The following FGF14 variants were observed in gnomAD, a reference collection of about 807,000 sequenced individuals.
FGF14 encodes fibroblast growth factor homologous factor 4.
FGF14 carries 5 observed loss-of-function variants against 25.5 expected under a neutral mutation model. The ratio of observed to expected loss-of-function variants is 0.20; its 90% confidence interval spans 0.10 to 0.41. FGF14 has a LOEUF of 0.41. FGF14 is among the 10% of genes least tolerant of loss of function. The pLI is 1.00. For missense variants in FGF14, 222 were observed against 320.1 expected, an observed-to-expected ratio of 0.69 and a Z score of 2.34; for synonymous variants, 138 against 118.3, an observed-to-expected ratio of 1.17 and a Z score of -1.08.
chr13:101,714,583 G>A lies in FGF14; in HGVS notation c.*8248C>T. ...TATTAACCTTTTCTAATTGCTCTAT[G>A]CCACAGTTTGTTATAGAGCCAAGAG... On this transcript the variant is annotated 3_prime_UTR_variant, in exon 5 of 5. Transcript: ENST00000376143. 1.6e-6 allele frequency: 2 copies of A among 1,275,362 alleles called. No homozygotes were observed. The highest frequency in any genetic ancestry group is 2.3e-6 in the Non-Finnish European group (2 of 871,808). 79.0% of individuals were successfully genotyped at this position (1,275,362 alleles called of 1,614,324 possible).
intron 1 of FGF14, among the ~76,000 whole-genome samples, chr13:101,941,466 T>A (rs771631641): frequency 3.3e-5 from 5 of 152,194 alleles, no homozygotes; most frequent in Non-Finnish European, 7.3e-5. Context: ...AAAATACATC[T>A]TTCACCATTT....
At chr13:101,811,765 G>A (rs1026017252) in intron 3 of FGF14, among the ~76,000 whole-genome samples, 10 of 152,274 alleles carry the variant, frequency 6.6e-5, no homozygotes, top group South Asian at 2.1e-4. Context: ...GCTCCCCAGC[G>A]TTTGACATTA....
intron 3 of FGF14, among the ~76,000 whole-genome samples, chr13:101,749,072 C>T (rs2037090511): frequency 6.6e-6 from 1 of 152,026 alleles, no homozygotes; most frequent in Admixed American, 6.6e-5. Context: ...AAGACAAATA[C>T]TATACAAATC....
At chr13:101,795,482 G>A (rs749344149) in intron 3 of FGF14, among the ~76,000 whole-genome samples, 20 of 152,090 alleles carry the variant, frequency 1.3e-4, no homozygotes, top group Non-Finnish European at 2.6e-4. Flanking sequence ...CCCTGAATCT[G>A]TGAGGTTTGC....
At chr13:102,185,278 C>A (rs1026453848) in intron 1 of FGF14, among the ~76,000 whole-genome samples, 18 of 152,082 alleles carry the variant, frequency 1.2e-4, no homozygotes, top group African/African-American at 4.3e-4. Flanking sequence ...CATCCATTTT[C>A]TTTCATAGTT....
At chr13:101,801,894 C>G (rs144050401) in intron 3 of FGF14, 2 of 398,424 alleles carry the variant, frequency 5.0e-6, no homozygotes, top group Non-Finnish European at 9.8e-6. Flanking sequence ...AAAGGTGACA[C>G]CAAGAAACCA....
chr13:102,253,112 C>T (rs1185717692), intron 1 of FGF14, among the ~76,000 whole-genome samples: 1 of 152,110 alleles, frequency 6.6e-6, no homozygotes, highest in African/African-American at 2.4e-5. Context: ...CTATTGTGAA[C>T]AGTGCCACAA....
intron 1 of FGF14, among the ~76,000 whole-genome samples, chr13:102,076,894 T>A (rs1278608209): frequency 6.6e-6 from 1 of 151,966 alleles, no homozygotes; most frequent in East Asian, 1.9e-4. Flanking sequence ...GCTATAGTGA[T>A]TAAAACAGCA....
intron 3 of FGF14, among the ~76,000 whole-genome samples, chr13:101,727,163 C>A (rs1461786019): frequency 6.6e-6 from 1 of 152,036 alleles, no homozygotes; most frequent in Non-Finnish European, 1.5e-5. Flanking sequence ...AAATAAAATA[C>A]ACATTTCAGA....
intron 1 of FGF14, among the ~76,000 whole-genome samples, chr13:101,954,303 AGGCACTGGGC>A (rs2036370182): frequency 1.0e-5 from 1 of 98,506 alleles, no homozygotes; most frequent in African/African-American, 4.0e-5. Flanking sequence ...ACAATGTATG[AGGCACTGGGC>A]GGGGTGGGGG....
At chr13:102,158,421 C>T (rs1594198441) in intron 1 of FGF14, among the ~76,000 whole-genome samples, 1 of 140,748 alleles carries the variant, frequency 7.1e-6, no homozygotes, top group Non-Finnish European at 1.5e-5. Context: ...ATCACAAGGA[C>T]AAAAAACCAA....
At chr13:102,094,391 T>G (rs987434861) in intron 1 of FGF14, among the ~76,000 whole-genome samples, 1 of 152,282 alleles carries the variant, frequency 6.6e-6, no homozygotes, top group South Asian at 2.1e-4. Flanking sequence ...AAGCTGTATC[T>G]GCCAAACAAG....
intron 1 of FGF14, among the ~76,000 whole-genome samples, chr13:102,353,385 A>G (rs2057341372): frequency 6.6e-6 from 1 of 152,124 alleles, no homozygotes; most frequent in South Asian, 2.1e-4. Context: ...TAGCTTCAAT[A>G]CCAGTTCAAT....
intron 1 of FGF14, among the ~76,000 whole-genome samples, chr13:101,908,670 G>A (rs1196735771): frequency 6.6e-6 from 1 of 152,108 alleles, no homozygotes; most frequent in South Asian, 2.1e-4. Context: ...ACTGCCCAAG[G>A]TCATTTATAG....
chr13:101,803,072 T>C (rs560299326), intron 3 of FGF14, among the ~76,000 whole-genome samples: 1 of 151,954 alleles, frequency 6.6e-6, no homozygotes, highest in East Asian at 1.9e-4. Flanking sequence ...ACAAAGGGGG[T>C]CAGCTGGCGT....
At chr13:102,284,199 A>C (rs928785444) in intron 1 of FGF14, among the ~76,000 whole-genome samples, 1 of 152,210 alleles carries the variant, frequency 6.6e-6, no homozygotes, top group Admixed American at 6.5e-5. Context: ...ACACAAAAGC[A>C]TATTTCAGAT....
At chr13:102,349,351 C>A (rs2057205358) in intron 1 of FGF14, among the ~76,000 whole-genome samples, 1 of 151,832 alleles carries the variant, frequency 6.6e-6, no homozygotes, top group African/African-American at 2.4e-5. Context: ...CATGTCTGCT[C>A]TCCATAGGCT....
chr13:102,390,700 G>C (rs1213332702), intron 1 of FGF14, among the ~76,000 whole-genome samples: 2 of 152,190 alleles, frequency 1.3e-5, no homozygotes, highest in African/African-American at 4.8e-5. Flanking sequence ...TATAGGTAGA[G>C]TGCCTAGTAT....
intron 1 of FGF14, among the ~76,000 whole-genome samples, chr13:102,349,750 T>G (rs1326855685): frequency 6.6e-6 from 1 of 152,218 alleles, no homozygotes; most frequent in East Asian, 1.9e-4. Context: ...AAATATAACA[T>G]ATTATGAACC....
Sources: allele counts gnomAD v4.1 joint callset (sites outside exome capture counted in the v4.1 genomes callset), GRCh38; gene constraint gnomAD v4.1.1; transcripts MANE v1.5; gene names NCBI Gene and HGNC (gene_info 2026-07-23, HGNC 2026-07-21).